The following C1R variants were observed in gnomAD, a reference collection of about 807,000 sequenced individuals.
The protein encoded by C1R is complement C1r.
Under a neutral mutation model 27.6 loss-of-function variants are expected in C1R, and 15 were observed. The ratio of observed to expected loss-of-function variants is 0.54; its 90% confidence interval spans 0.36 to 0.84. The LOEUF (loss-of-function observed/expected upper bound fraction) is 0.84. C1R is among the 40% of genes least tolerant of loss of function. C1R has a pLI of 0.01. For synonymous variants in C1R, 253 were observed against 228.8 expected (o/e 1.11, Z -0.95); for missense variants, 544 against 577.9 (o/e 0.94, Z 0.60).
chr12:7,082,243 A>G, intron 9 of C1R, 137 bp from the exon 10 acceptor site: 1 of 666,486 alleles, frequency 1.5e-6, no homozygotes, highest in East Asian at 2.7e-5. Context: ...CAAAGGTCAA[A>G]GGCTCAACTC....
chr12:7,089,176 T>G, intron 5 of C1R, 117 bp downstream of exon 5: 1 of 667,152 alleles, frequency 1.5e-6, no homozygotes, highest in Non-Finnish European at 2.7e-6. Flanking sequence ...AGCCCATGGG[T>G]GATGTTGGCC....
At position 7,089,507 on chromosome 12, in the gene C1R, C is replaced by A. The variant is rs1565630856; in HGVS notation, c.572-18G>T. On this transcript the variant is annotated intron_variant, in intron 4 of 10. Transcript: ENST00000647956. ...GCACTCAGCTGTGAGAGCAGAGCCACAGGGCATTACGGGGGACTCCAGCTG... is the reference window on the plus strand; with the variant it reads ...GCACTCAGCTGTGAGAGCAGAGCCAAAGGGCATTACGGGGGACTCCAGCTG... 1 of 778,080 alleles carries A rather than the reference C, an allele frequency of 1.3e-6. No homozygotes were observed. Among genetic ancestry groups the A allele is most frequent in the Non-Finnish European group, 2.4e-6 (1 of 416,062 alleles). The allele number at this position is 778,080 out of a possible 1,614,324, so 48.2% of individuals were successfully genotyped here. A position where few individuals can be genotyped will look rare whatever the true frequency, so the allele number is the denominator to read the frequency against.
chr12:7,090,926 G>A (rs892509589), intron 2 of C1R, among the ~76,000 whole-genome samples: 14 of 152,182 alleles, frequency 9.2e-5, no homozygotes, highest in African/African-American at 2.4e-5. Flanking sequence ...TTGGACCTTC[G>A]CAGGCTCTGC....
chr12:7,088,037 G>A (rs1938181832), intron 7 of C1R, among the ~76,000 whole-genome samples: 1 of 152,056 alleles, frequency 6.6e-6, no homozygotes, highest in African/African-American at 2.4e-5. Flanking sequence ...TGGGCGCAGG[G>A]GGAGACCACC....
At chr12:7,089,136 A>G in intron 5 of C1R, 150 bp from the exon 6 acceptor site, 1 of 631,122 alleles carries the variant, frequency 1.6e-6, no homozygotes, top group Non-Finnish European at 2.9e-6. Context: ...GATCCCCATG[A>G]CCCAATTCTA....
intron 1 of C1R, 25 bp downstream of exon 1, chr12:7,092,362 C>A (rs537026799): frequency 1.3e-6 from 1 of 780,878 alleles, no homozygotes; most frequent in South Asian, 1.3e-5. Flanking sequence ...TCCCTCCCAC[C>A]TGGTTGCCCA....
In C1R at chr12:7,091,838, G is replaced by A. The variant is rs1380688156; in HGVS notation, c.3-158C>T. 4.3e-6 allele frequency: 3 copies of A among 702,164 alleles called. No homozygotes were observed. Among genetic ancestry groups the A allele is most frequent in the Non-Finnish European group, 2.6e-6 (1 of 384,134 alleles). The allele number at this position is 702,164 out of a possible 1,614,324, so 43.5% of individuals were successfully genotyped here. On this transcript the variant is annotated intron_variant, in intron 1 of 10. Coordinates refer to ENST00000647956, the MANE Select transcript of C1R (RefSeq NM_001733.7). This position sits in a 1 kb window ranked among gnomAD's most constrained non-coding sequence, Gnocchi z 5.1. ...ACATGTTCTCAGCAGGGGTGCGTGG[G>A]TGGGGAGGATGGCCTGTGCAGCTGC... is the stretch of plus-strand genomic sequence containing the variant.
chr12:7,088,468 G>A, intron 7 of C1R, 142 bp downstream of exon 7: 1 of 712,172 alleles, frequency 1.4e-6, no homozygotes, highest in East Asian at 2.7e-5. Context: ...CAGCAAGTTT[G>A]AGAGCTGGTG....
At position 7,080,645 on chromosome 12, in the gene C1R, C is replaced by G. The variant is rs1323856715; in HGVS notation, c.2005G>C (p.Val669Leu). Residue 669 changes from valine to leucine, a missense_variant, in exon 11 of 11, where the codon GTG (valine) becomes CTG (leucine). Val to Leu is a conservative substitution (Grantham distance 32). Transcript: ENST00000647956. The surrounding 1 kb of genome is among the most constrained non-coding windows in gnomAD (Gnocchi z 4.9). ...AVRDPNTDRW[V>L]ATGIVSWGIG... ...CCCCAGGACACGATGCCCGTGGCCA[C>G]CCAGCGATCAGTGTTCGGGTCCCTT... 2.5e-6 allele frequency: 4 copies of G among 1,613,780 alleles called. No individual in the cohort carries two copies. Among genetic ancestry groups the G allele is most frequent in the Non-Finnish European group, 3.4e-6 (4 of 1,179,870 alleles).
In C1R at chr12:7,080,480, GT is replaced by G. The variant is rs374614759; in HGVS notation, c.*51del. 94,520 of 1,205,182 alleles carry G rather than the reference GT, an allele frequency of 0.078. 1,840 individuals carry two copies. Among genetic ancestry groups the G allele is most frequent in the Middle Eastern group, 0.12 (596 of 4,786 alleles). 74.7% of individuals were successfully genotyped at this position (1,205,182 alleles called of 1,614,324 possible). On this transcript the variant is annotated 3_prime_UTR_variant, in exon 11 of 11. Coordinates refer to ENST00000647956, the MANE Select transcript of C1R (RefSeq NM_001733.7). This position sits in a 1 kb window ranked among gnomAD's most constrained non-coding sequence, Gnocchi z 4.9. ...ATCAACAACTGGTCAGTTGTTTTTT[GT>G]TTTTTTTTTTCCACACTGCTCTCTG...
rs1193446086 is a variant in C1R at position 7,085,943 on chromosome 12, G to A, written c.1191C>T (p.Thr397=). 1.8e-5 allele frequency: 7 copies of A among 398,518 alleles called. No individual in the cohort carries two copies. The highest frequency in any genetic ancestry group is 1.4e-4 in the African/African-American group (7 of 48,598). The allele number at this position is 398,518 out of a possible 1,614,324, so 24.7% of individuals were successfully genotyped here. ...FRYTTTMGVN[T]YKARIQYYCH... ...AGTAGTACTGGATACGGGCCTTGTA[G>A]GTGTTCACTCCCATTGTGGTGGTGT... is the stretch of plus-strand genomic sequence containing the variant. The change falls in exon 9 of 11, where the codon ACC becomes ACT. Residue 397 remains threonine (T), a synonymous_variant. Transcript: ENST00000647956.
intron 3 of C1R, 85 bp from the exon 4 acceptor site, chr12:7,089,818 G>A (rs775225161): frequency 1.6e-4 from 117 of 732,312 alleles, no homozygotes; most frequent in Non-Finnish European, 2.6e-4. Flanking sequence ...ACTCACCAGA[G>A]ACCTAAAGAC....
chr12:7,086,045 G>A, intron 8 of C1R, 29 bp from the exon 9 acceptor site: 1 of 398,736 alleles, frequency 2.5e-6, no homozygotes, highest in Non-Finnish European at 4.4e-6. Context: ...CAGGGTGAGA[G>A]CTGAGAATGA....
At position 7,091,905 on chromosome 12, in the gene C1R, C is replaced by T. The variant is rs1190943309; in HGVS notation, c.3-225G>A. 1 of 681,436 alleles carries T rather than the reference C, an allele frequency of 1.5e-6. No homozygotes were observed. Among genetic ancestry groups the T allele is most frequent in the African/African-American group, 1.8e-5 (1 of 56,866 alleles). The allele number at this position is 681,436 out of a possible 1,614,324, so 42.2% of individuals were successfully genotyped here. On this transcript the variant is annotated intron_variant, in intron 1 of 10. Transcript: ENST00000647956. This position sits in a 1 kb window ranked among gnomAD's most constrained non-coding sequence, Gnocchi z 5.1. ...CCAGGGCAGTGTCCAGTCCAGAGGC[C>T]ACCACACTCCCCTCACACTCCCTTT...
intron 9 of C1R, among the ~76,000 whole-genome samples, chr12:7,084,775 G>GATGGAGGTT (rs1938113183): frequency 1.3e-5 from 2 of 149,868 alleles, no homozygotes; most frequent in Non-Finnish European, 2.9e-5. Flanking sequence ...TGATGGTAGT[G>GATGGAGGTT]TTGGTGTTGG....
intron 6 of C1R, 34 bp downstream of exon 6, chr12:7,088,805 C>T (rs1466881839): frequency 5.2e-6 from 4 of 773,738 alleles, no homozygotes; most frequent in Non-Finnish European, 9.7e-6. Flanking sequence ...TTCCCCATTG[C>T]TGGCCATCGA....
chr12:7,091,281 G>A lies in C1R; in HGVS notation c.231+171C>T. The A allele has an allele frequency of 1.7e-6, 1 of 605,716 alleles. No individual in the cohort carries two copies. The highest frequency in any genetic ancestry group is 2.9e-6 in the Non-Finnish European group (1 of 343,934). 37.5% of individuals were successfully genotyped at this position (605,716 alleles called of 1,614,324 possible). ...GCTTCTCCCCTCAGTGCTCACCGAG[G>A]GCCTCTACACCAGTGAGCGCCCATC... On this transcript the variant is annotated intron_variant, in intron 2 of 10. Coordinates refer to ENST00000647956, the MANE Select transcript of C1R (RefSeq NM_001733.7). The surrounding 1 kb of genome is among the most constrained non-coding windows in gnomAD (Gnocchi z 5.1).
chr12:7,091,725 C>T lies in C1R; in HGVS notation c.3-45G>A, dbSNP rs757396249. On this transcript the variant is annotated intron_variant, in intron 1 of 10. Transcript: ENST00000647956. This position sits in a 1 kb window ranked among gnomAD's most constrained non-coding sequence, Gnocchi z 5.1. ...TATCTGGAGCTGGAGGGGTTCAGCA[C>T]TCTTGCCATGTGGGCAGTGGCTGTG... 15 of 718,380 alleles carry T rather than the reference C, an allele frequency of 2.1e-5. No homozygotes were observed. Among genetic ancestry groups the T allele is most frequent in the Non-Finnish European group, 3.4e-5 (13 of 385,308 alleles). The allele number at this position is 718,380 out of a possible 1,614,324, so 44.5% of individuals were successfully genotyped here. A position where few individuals can be genotyped will look rare whatever the true frequency, so the allele number is the denominator to read the frequency against.
intron 9 of C1R, among the ~76,000 whole-genome samples, chr12:7,083,324 G>GA (rs1938098310): frequency 7.5e-5 from 2 of 26,764 alleles, no homozygotes; most frequent in South Asian, 2.9e-3. Flanking sequence ...GGTGATGGTG[G>GA]TAATGGTGTT....
Sources: gnomAD v4.1 joint callset for allele counts (sites outside exome capture counted in the v4.1 genomes callset) on GRCh38, gnomAD v4.1.1 for gene constraint, Gnocchi (gnomAD v3.1) non-coding constraint, MANE v1.5 for transcripts, NCBI Gene and HGNC (gene_info 2026-07-23, HGNC 2026-07-21) for gene names.